CDH10: variants seen among roughly 807,000 people sequenced by gnomAD.
CDH10 encodes cadherin-10.
CDH10 carries 30 observed loss-of-function variants against 73.1 expected under a neutral mutation model. That is an observed-to-expected ratio of 0.41 (90% confidence interval 0.31 to 0.56). The LOEUF is 0.56. CDH10 is among the 20% of genes least tolerant of loss of function. CDH10 has a pLI of 0.27. For synonymous variants in CDH10, 345 were observed against 348.2 expected (o/e 0.99, Z 0.10); for missense variants, 815 against 973.7 (o/e 0.84, Z 2.17).
intron 5 of CDH10, among the ~76,000 whole-genome samples, chr5:24,531,581 G>A (rs1297843842): frequency 5.9e-5 from 9 of 152,034 alleles, no homozygotes; most frequent in Non-Finnish European, 8.8e-5. Context: ...CATGGCAGCA[G>A]GAAAGATAGC....
chr5:24,635,014 A>G (rs2112206160), intron 1 of CDH10, among the ~76,000 whole-genome samples: 1 of 151,844 alleles, frequency 6.6e-6, no homozygotes, highest in South Asian at 2.1e-4. Context: ...GGAAAAAAAA[A>G]AAACAGAAAC....
At chr5:24,573,511 C>T (rs548567398) in intron 2 of CDH10, among the ~76,000 whole-genome samples, 1 of 151,922 alleles carries the variant, frequency 6.6e-6, no homozygotes, top group Admixed American at 6.6e-5. Context: ...ACCATCCTGG[C>T]TAACACGGTG....
intron 1 of CDH10, among the ~76,000 whole-genome samples, chr5:24,627,017 C>T (rs1299159298): frequency 1.3e-5 from 2 of 151,618 alleles, no homozygotes; most frequent in Non-Finnish European, 2.9e-5. Flanking sequence ...ATGCAAATCC[C>T]TTACCCTTCT....
intron 5 of CDH10, among the ~76,000 whole-genome samples, chr5:24,522,172 A>G (rs943221750): frequency 1.4e-5 from 2 of 147,888 alleles, no homozygotes; most frequent in Non-Finnish European, 3.0e-5. Flanking sequence ...CAAACAAACA[A>G]AAAAAACTAA....
chr5:24,588,574 C>T (rs1191828901), intron 2 of CDH10, among the ~76,000 whole-genome samples: 1 of 152,144 alleles, frequency 6.6e-6, no homozygotes, highest in East Asian at 1.9e-4. Context: ...TGGTGGAGGT[C>T]AGAACAGCTT....
chr5:24,525,665 A>G (rs1237086289), intron 5 of CDH10, among the ~76,000 whole-genome samples: 1 of 152,070 alleles, frequency 6.6e-6, no homozygotes, highest in Non-Finnish European at 1.5e-5. Flanking sequence ...CTGAGAAACT[A>G]CTGAGGCTTT....
At chr5:24,630,582 C>T (rs1017608200) in intron 1 of CDH10, among the ~76,000 whole-genome samples, 1 of 147,398 alleles carries the variant, frequency 6.8e-6, no homozygotes, top group Admixed American at 6.8e-5. Context: ...TCAAGAATAT[C>T]TTAAGGAAAA....
intron 1 of CDH10, among the ~76,000 whole-genome samples, chr5:24,607,264 G>A (rs1187096832): frequency 6.6e-6 from 1 of 152,174 alleles, no homozygotes; most frequent in East Asian, 1.9e-4. Context: ...CTAATTAGAT[G>A]ACTGAAGTAA....
chr5:24,520,463 A>C (rs999752548), intron 5 of CDH10, among the ~76,000 whole-genome samples: 4 of 152,176 alleles, frequency 2.6e-5, no homozygotes, highest in African/African-American at 9.7e-5. Flanking sequence ...TTCTACTATG[A>C]ATATATATAC....
chr5:24,548,939 T>C (rs922515997), intron 2 of CDH10, among the ~76,000 whole-genome samples: 1 of 151,978 alleles, frequency 6.6e-6, no homozygotes, highest in African/African-American at 2.4e-5. Flanking sequence ...ATTTAATGTA[T>C]TTAAGAATAT....
intron 1 of CDH10, among the ~76,000 whole-genome samples, chr5:24,611,385 C>T (rs1746945219): frequency 1.3e-5 from 2 of 151,820 alleles, no homozygotes; most frequent in South Asian, 2.1e-4. Flanking sequence ...AGTTTGAGAC[C>T]AGCCTGGACA....
intron 1 of CDH10, among the ~76,000 whole-genome samples, chr5:24,601,512 C>T (rs553005040): frequency 1.3e-5 from 2 of 152,070 alleles, no homozygotes; most frequent in South Asian, 2.1e-4. Flanking sequence ...TAAGACAGAC[C>T]CACTGGGAGT....
intron 2 of CDH10, among the ~76,000 whole-genome samples, chr5:24,557,750 T>G (rs955911844): frequency 3.3e-5 from 5 of 151,790 alleles, no homozygotes; most frequent in Non-Finnish European, 7.4e-5. Context: ...AGCAACTGAT[T>G]GTATTACGAT....
At chr5:24,573,332 A>G (rs79125425) in intron 2 of CDH10, among the ~76,000 whole-genome samples, 4,151 of 152,144 alleles carry the variant, frequency 0.027, 140 homozygotes, top group East Asian at 0.082. Context: ...ATAGAGTAAA[A>G]AGATTTAGAG....
chr5:24,570,660 A>G (rs1041855192), intron 2 of CDH10, among the ~76,000 whole-genome samples: 1 of 151,554 alleles, frequency 6.6e-6, no homozygotes, highest in Non-Finnish European at 1.5e-5. Flanking sequence ...AAATATATAT[A>G]TGTGTATATA....
rs143942567 is a variant in CDH10, at chr5:24,577,006, TAA to T, written c.231+16252_231+16253del. ...ACAGTCTGTCCATTAGCTAAAATAT[TAA>T]AAAAAAAAAACCCAAACTGAGAGAT... is the stretch of plus-strand genomic sequence containing the variant. On this transcript the variant is annotated intron_variant, in intron 2 of 11. Coordinates refer to ENST00000264463, the MANE Select transcript of CDH10 (RefSeq NM_006727.5). Among the ~76,000 whole-genome samples the T allele has an allele frequency of 4.6e-4, 66 of 144,324 alleles. 1 individual carries two copies. The South Asian group carries it at 0.011, about 24-fold the overall frequency. The allele number at this position is 144,324 out of a possible 152,430, so 94.7% of individuals were successfully genotyped here. A position where few individuals can be genotyped will look rare whatever the true frequency, so the allele number is the denominator to read the frequency against.
chr5:24,614,771 A>T (rs1490525315), intron 1 of CDH10, among the ~76,000 whole-genome samples: 4 of 152,182 alleles, frequency 2.6e-5, no homozygotes, highest in Non-Finnish European at 5.9e-5. Flanking sequence ...GTACCCATGT[A>T]AACTGGGGCA....
At position 24,593,513 on chromosome 5, in the gene CDH10, A is replaced by G. The variant is rs778797628; in HGVS notation, c.-23T>C. ...CATAGTTCACTTCTTGACAAATCCC[A>G]GTGTAGATGAAGAGAAGTGGTCCTA... On this transcript the variant is annotated 5_prime_UTR_variant, in exon 2 of 12. Coordinates refer to ENST00000264463, the MANE Select transcript of CDH10 (RefSeq NM_006727.5). The G allele has an allele frequency of 7.4e-6, 10 of 1,347,902 alleles. No individual in the cohort carries two copies. The highest frequency in any genetic ancestry group is 9.6e-6 in the Non-Finnish European group (9 of 938,730). The allele number at this position is 1,347,902 out of a possible 1,614,324, so 83.5% of individuals were successfully genotyped here. A position where few individuals can be genotyped will look rare whatever the true frequency, so the allele number is the denominator to read the frequency against.
At chr5:24,526,111 T>C (rs1743522073) in intron 5 of CDH10, among the ~76,000 whole-genome samples, 1 of 152,022 alleles carries the variant, frequency 6.6e-6, no homozygotes, top group Admixed American at 6.6e-5. Flanking sequence ...TAATTGTGTC[T>C]AAACAGGTTT....
Sources: gnomAD v4.1 joint callset for allele counts (sites outside exome capture counted in the v4.1 genomes callset) on GRCh38, gnomAD v4.1.1 for gene constraint, MANE v1.5 for transcripts, NCBI Gene and HGNC (gene_info 2026-07-23, HGNC 2026-07-21) for gene names.